The following MCF2L2 variants were observed in gnomAD, a reference collection of about 807,000 sequenced individuals.
The protein encoded by MCF2L2 is MCF.2 cell line derived transforming sequence-like 2.
MCF2L2 carries 102 observed loss-of-function variants against 150.2 expected under a neutral mutation model. The observed-to-expected ratio is 0.68, with a 90% CI of 0.58 to 0.80. MCF2L2 has a LOEUF of 0.80. MCF2L2 is among the 30% of genes least tolerant of loss of function. MCF2L2 has a pLI of 0.00. For synonymous variants in MCF2L2, 465 were observed against 491.3 expected (o/e 0.95, Z 0.71); for missense variants, 1,256 against 1,372.8 (o/e 0.91, Z 1.34).
chr3:183,365,923 CT>C (rs1407580629), intron 3 of MCF2L2, among the ~76,000 whole-genome samples: 1 of 151,706 alleles, frequency 6.6e-6, no homozygotes, highest in African/African-American at 2.4e-5. Context: ...AAATCAAAAA[CT>C]CAATAGAATA....
chr3:183,346,917 C>A (rs989067389), intron 3 of MCF2L2, among the ~76,000 whole-genome samples: 2 of 152,128 alleles, frequency 1.3e-5, no homozygotes, highest in Non-Finnish European at 2.9e-5. Flanking sequence ...AGGACCCAAA[C>A]AAATGGAAAA....
At chr3:183,309,695 C>A in intron 10 of MCF2L2, 21 bp downstream of exon 10, 1 of 1,613,966 alleles carries the variant, frequency 6.2e-7, no homozygotes, top group Non-Finnish European at 8.5e-7. Flanking sequence ...TCCCAGTACA[C>A]AAAAATGTCA....
chr3:183,335,810 G>A (rs1051202771), intron 5 of MCF2L2, among the ~76,000 whole-genome samples: 3 of 152,182 alleles, frequency 2.0e-5, no homozygotes, highest in Non-Finnish European at 4.4e-5. Flanking sequence ...AGTGAGCTAT[G>A]ATCCTAAGCT....
intron 13 of MCF2L2, among the ~76,000 whole-genome samples, chr3:183,294,018 C>G (rs1016901739): frequency 6.6e-6 from 1 of 152,088 alleles, no homozygotes; most frequent in African/African-American, 2.4e-5. Context: ...CAAATTAGCT[C>G]ATATATCCAG....
chr3:183,212,166 T>C (rs1015266200), intron 22 of MCF2L2, among the ~76,000 whole-genome samples: 2 of 152,166 alleles, frequency 1.3e-5, no homozygotes, highest in Non-Finnish European at 2.9e-5. Context: ...TAAGGAAGGA[T>C]TCTTCCTGAG....
intron 5 of MCF2L2, among the ~76,000 whole-genome samples, chr3:183,327,441 C>T (rs563810175): frequency 2.6e-5 from 4 of 152,330 alleles, no homozygotes; most frequent in East Asian, 3.9e-4. Context: ...TCACAAAGGA[C>T]GGCAAAAACT....
intron 2 of MCF2L2, among the ~76,000 whole-genome samples, chr3:183,387,840 GA>G (rs1306933404): frequency 1.3e-5 from 2 of 149,404 alleles, no homozygotes; most frequent in African/African-American, 5.0e-5. Flanking sequence ...GCTGAGGCAG[GA>G]TAATCACTCG....
chr3:183,216,497 TTATA>T (rs1282448957), intron 21 of MCF2L2, among the ~76,000 whole-genome samples: 1 of 135,000 alleles, frequency 7.4e-6, no homozygotes, highest in Non-Finnish European at 1.5e-5. Context: ...TATATATTAA[TTATA>T]TATATTAAAT....
At chr3:183,353,492 C>T (rs1421386715) in intron 3 of MCF2L2, among the ~76,000 whole-genome samples, 2 of 152,150 alleles carry the variant, frequency 1.3e-5, no homozygotes, top group Non-Finnish European at 2.9e-5. Flanking sequence ...GTTCACGGTT[C>T]TGCAGGCTAT....
At chr3:183,409,078 A>G (rs907373600) in intron 1 of MCF2L2, among the ~76,000 whole-genome samples, 1 of 152,222 alleles carries the variant, frequency 6.6e-6, no homozygotes, top group Non-Finnish European at 1.5e-5. Context: ...TTATTTAAGA[A>G]TTATGTATGT....
At chr3:183,274,460 C>T (rs1727037820) in intron 15 of MCF2L2, among the ~76,000 whole-genome samples, 1 of 152,180 alleles carries the variant, frequency 6.6e-6, no homozygotes, top group Non-Finnish European at 1.5e-5. Flanking sequence ...GATATAGTTG[C>T]ATGTAATGTG....
At chr3:183,349,683 C>A (rs1731035798) in intron 3 of MCF2L2, among the ~76,000 whole-genome samples, 1 of 152,176 alleles carries the variant, frequency 6.6e-6, no homozygotes, top group African/African-American at 2.4e-5. Context: ...CTTTTAACAG[C>A]AGAAGAAACC....
intron 5 of MCF2L2, among the ~76,000 whole-genome samples, chr3:183,331,677 G>A (rs1366679746): frequency 6.6e-6 from 1 of 152,090 alleles, no homozygotes; most frequent in East Asian, 1.9e-4. Flanking sequence ...AGTTTTATGA[G>A]GCTGCTATGA....
chr3:183,352,723 C>T (rs1204046887), intron 3 of MCF2L2, among the ~76,000 whole-genome samples: 1 of 152,068 alleles, frequency 6.6e-6, no homozygotes, highest in Non-Finnish European at 1.5e-5. Context: ...AGGGTATACC[C>T]CTCCTCACTT....
chr3:183,211,340 A>C (rs749332775), intron 22 of MCF2L2, among the ~76,000 whole-genome samples: 1 of 152,058 alleles, frequency 6.6e-6, no homozygotes, highest in Non-Finnish European at 1.5e-5. Context: ...CAGTAAGCCC[A>C]TTATTACTGG....
intron 15 of MCF2L2, 39 bp from the exon 16 acceptor site, chr3:183,231,056 A>T (rs1293910708): frequency 4.2e-6 from 6 of 1,419,900 alleles, no homozygotes; most frequent in Non-Finnish European, 2.0e-6. Context: ...AAAGAGAGAG[A>T]GACAGGGAGA....
chr3:183,400,641 G>C (rs1714704593), intron 1 of MCF2L2: 1 of 341,436 alleles, frequency 2.9e-6, no homozygotes. Flanking sequence ...CCTTTTGATT[G>C]GTGAGTGCTC....
At chr3:183,344,669 AT>A (rs1357667294) in intron 3 of MCF2L2, among the ~76,000 whole-genome samples, 1 of 152,228 alleles carries the variant, frequency 6.6e-6, no homozygotes, top group African/African-American at 2.4e-5. Flanking sequence ...GGTGTGCTGT[AT>A]TCAGGAGACC....
At chr3:183,351,133 T>C (rs553987951) in intron 3 of MCF2L2, among the ~76,000 whole-genome samples, 1 of 147,180 alleles carries the variant, frequency 6.8e-6, no homozygotes, top group South Asian at 2.1e-4. Flanking sequence ...GGTAAATATG[T>C]TCTGATCCCA....
Sources: allele counts gnomAD v4.1 joint callset (sites outside exome capture counted in the v4.1 genomes callset), GRCh38; gene constraint gnomAD v4.1.1; transcripts MANE v1.5; gene names NCBI Gene and HGNC (gene_info 2026-07-23, HGNC 2026-07-21).